Variants in KIAA1549L observed in about 807,000 individuals in gnomAD.
KIAA1549L encodes the protein KIAA1549 like.
Under a neutral mutation model 160.7 loss-of-function variants are expected in KIAA1549L, and 88 were observed. The observed-to-expected ratio is 0.55, with a 90% CI of 0.46 to 0.65. KIAA1549L has a LOEUF of 0.65. KIAA1549L is among the 30% of genes least tolerant of loss of function. The pLI is 0.00. For synonymous variants in KIAA1549L, 950 were observed against 976.7 expected (o/e 0.97, Z 0.51); for missense variants, 2,258 against 2,437.5 (o/e 0.93, Z 1.55).
intron 6 of KIAA1549L, among the ~76,000 whole-genome samples, chr11:33,555,625 T>C (rs1421912980): frequency 6.6e-6 from 1 of 152,218 alleles, no homozygotes; most frequent in African/African-American, 2.4e-5. Flanking sequence ...AAGAATGAAG[T>C]TGGATCCTTA....
intron 1 of KIAA1549L, among the ~76,000 whole-genome samples, chr11:33,496,116 A>G (rs894764923): frequency 3.3e-5 from 5 of 152,042 alleles, no homozygotes; most frequent in Non-Finnish European, 7.4e-5. Context: ...GGCTCCTGCC[A>G]CTACACCTGG....
At chr11:33,434,073 C>T (rs191823677) in intron 1 of KIAA1549L, among the ~76,000 whole-genome samples, 2 of 147,296 alleles carry the variant, frequency 1.4e-5, no homozygotes, top group East Asian at 4.0e-4. Context: ...AGAAATAAAG[C>T]CCCCCCCGCC....
intron 8 of KIAA1549L, among the ~76,000 whole-genome samples, chr11:33,564,732 C>T (rs190888959): frequency 4.4e-4 from 67 of 151,862 alleles, no homozygotes; most frequent in African/African-American, 1.5e-3. Context: ...ATTTTCTAAC[C>T]TAGTGTGTCC....
chr11:33,466,363 GA>G (rs1852057996), intron 1 of KIAA1549L, among the ~76,000 whole-genome samples: 1 of 152,142 alleles, frequency 6.6e-6, no homozygotes, highest in African/African-American at 2.4e-5. Context: ...AGACATATGA[GA>G]AAATGCTCAT....
At chr11:33,435,973 A>T (rs1851371453) in intron 1 of KIAA1549L, among the ~76,000 whole-genome samples, 1 of 147,644 alleles carries the variant, frequency 6.8e-6, no homozygotes, top group Non-Finnish European at 1.5e-5. Context: ...AAAAAAAAAA[A>T]AAAGTACAAC....
At chr11:33,657,929 G>A (rs1386008917) in intron 18 of KIAA1549L, among the ~76,000 whole-genome samples, 3 of 152,364 alleles carry the variant, frequency 2.0e-5, no homozygotes, top group South Asian at 2.1e-4. Flanking sequence ...GCCCTGTGGG[G>A]GGCCAGGCCT....
At chr11:33,437,557 G>A (rs1375525185) in intron 1 of KIAA1549L, among the ~76,000 whole-genome samples, 1 of 152,144 alleles carries the variant, frequency 6.6e-6, no homozygotes, top group Non-Finnish European at 1.5e-5. Context: ...TTTAAAATGG[G>A]AATTACACTT....
rs538132465 is a variant in KIAA1549L at position 33,430,045 on chromosome 11, T to TCCTTCCTTCCTTCCTTCCTTCCTTCCTC, written c.238+53159_238+53160insTCCTTCCTTCCTTCCTTCCTTCCTCCCT. ...TTCCTTCCTTCCTTCCTTCCTTCCT[T>TCCTTCCTTCCTTCCTTCCTTCCTTCCTC]CCTCCCTTCCCTCTCTCCTCCGTTC... On this transcript the variant is annotated intron_variant, in intron 1 of 20. Transcript: ENST00000658780. Among the ~76,000 whole-genome samples, 387 of 128,976 alleles carry TCCTTCCTTCCTTCCTTCCTTCCTTCCTC rather than the reference T, an allele frequency of 3.0e-3. 12 individuals are homozygous for TCCTTCCTTCCTTCCTTCCTTCCTTCCTC. The highest frequency in any genetic ancestry group is 0.011 in the African/African-American group (341 of 30,570). The allele number at this position is 128,976 out of a possible 152,430, so 84.6% of individuals were successfully genotyped here.
At chr11:33,583,596 TGC>T in intron 11 of KIAA1549L, 95 bp downstream of exon 11, 1 of 1,145,718 alleles carries the variant, frequency 8.7e-7, no homozygotes, top group South Asian at 1.6e-5. Flanking sequence ...TGCCAGAGCC[TGC>T]AGAAACATCA....
intron 10 of KIAA1549L, among the ~76,000 whole-genome samples, chr11:33,581,532 G>C (rs571783022): frequency 2.2e-4 from 33 of 152,078 alleles, no homozygotes; most frequent in African/African-American, 8.0e-4. Flanking sequence ...AGAAACGTTT[G>C]ACCTCTCTGG....
intron 16 of KIAA1549L, among the ~76,000 whole-genome samples, chr11:33,629,789 G>T (rs544729311): frequency 6.6e-6 from 1 of 150,774 alleles, no homozygotes; most frequent in Non-Finnish European, 1.5e-5. Context: ...CTCTCAGCTC[G>T]TCAAAGTCAT....
At chr11:33,620,484 A>T (rs1473460349) in intron 16 of KIAA1549L, among the ~76,000 whole-genome samples, 1 of 152,208 alleles carries the variant, frequency 6.6e-6, no homozygotes, top group Non-Finnish European at 1.5e-5. Flanking sequence ...TATACTAATC[A>T]TATGAAAAGT....
Position 33,668,451 on chromosome 11 carries a change from C to G in KIAA1549L, c.*297C>G, listed in dbSNP as rs1852561708. 6 of 444,530 alleles carry G rather than the reference C, an allele frequency of 1.3e-5. No individual in the cohort carries two copies. The highest frequency in any genetic ancestry group is 6.0e-4 in the Middle Eastern group (1 of 1,656). The allele number at this position is 444,530 out of a possible 1,614,324, so 27.5% of individuals were successfully genotyped here. ...CCTATGGAAGCTTAGTCACAAGAGG[C>G]ACTAGCTAATCTACAGATTCCTATC... On this transcript the variant is annotated 3_prime_UTR_variant, in exon 21 of 21. Transcript: ENST00000658780.
intron 1 of KIAA1549L, among the ~76,000 whole-genome samples, chr11:33,477,520 AACACACAC>A (rs57378048): frequency 6.8e-6 from 1 of 146,914 alleles, no homozygotes; most frequent in African/African-American, 2.5e-5. Flanking sequence ...CACACACACA[AACACACAC>A]ACACACACAC....
In KIAA1549L at chr11:33,647,375, CA is replaced by C. The variant is rs10578169; in HGVS notation, c.5760+1361del. ...TGGCTGACACAGTAAGACTCTGTCT[CA>C]AAAAAAAAAAAAAAAAAAAAAGAAT... is the stretch of plus-strand genomic sequence containing the variant. On this transcript the variant is annotated intron_variant, in intron 17 of 20. Coordinates refer to ENST00000658780, the MANE Select transcript of KIAA1549L (RefSeq NM_012194.3). Among the ~76,000 whole-genome samples, 798 of 115,050 alleles carry C rather than the reference CA, an allele frequency of 6.9e-3. 4 individuals carry two copies. The highest frequency in any genetic ancestry group is 0.024 in the African/African-American group (719 of 29,710). 75.5% of individuals were successfully genotyped at this position (115,050 alleles called of 152,430 possible).
At position 33,645,989 on chromosome 11, in the gene KIAA1549L, G is replaced by A. The variant is rs1851711755; in HGVS notation, c.5713G>A (p.Val1905Met). The change falls in exon 17 of 21, where the codon GTG becomes ATG. Residue 1905 changes from valine (V) to methionine (M), a missense_variant. Around this residue, in one of 6 missense-constraint regions of KIAA1549L, gnomAD observed 1,359 missense variants for 1,546.6 expected, o/e 0.88. Transcript: ENST00000658780. ...MTRPRAGVQW[V>M]PTYRPEMYQY... ...GCGGCCCAGGGCCGGGGTGCAGTGG[G>A]TGCCGACCTACCGCCCAGAAATGTA... is the stretch of plus-strand genomic sequence containing the variant. 1.2e-6 allele frequency: 2 copies of A among 1,608,216 alleles called. No homozygotes were observed. Among genetic ancestry groups the A allele is most frequent in the Admixed American group, 1.7e-5 (1 of 59,166 alleles).
intron 1 of KIAA1549L, among the ~76,000 whole-genome samples, chr11:33,437,516 A>G (rs901163234): frequency 6.6e-6 from 1 of 152,204 alleles, no homozygotes; most frequent in African/African-American, 2.4e-5. Context: ...TTTGAGACAC[A>G]TTGTGTTATC....
chr11:33,524,902 G>A (rs528104227), intron 1 of KIAA1549L, among the ~76,000 whole-genome samples: 10 of 152,316 alleles, frequency 6.6e-5, no homozygotes, highest in East Asian at 1.9e-4. Flanking sequence ...AGCATAGTCC[G>A]TCTTATTAAT....
chr11:33,566,288 A>G (rs1855047402), intron 8 of KIAA1549L, among the ~76,000 whole-genome samples: 1 of 152,056 alleles, frequency 6.6e-6, no homozygotes, highest in African/African-American at 2.4e-5. Context: ...GCCAGTGGTC[A>G]GGAGAGGACA....
Sources: allele counts gnomAD v4.1 joint callset (sites outside exome capture counted in the v4.1 genomes callset), GRCh38; gene constraint gnomAD v4.1.1; regional missense constraint gnomAD v4.1.1; transcripts MANE v1.5; gene names NCBI Gene and HGNC (gene_info 2026-07-23, HGNC 2026-07-21).